Variants in CACNA2D3 observed in about 807,000 individuals in gnomAD.
CACNA2D3 encodes the protein voltage-dependent calcium channel subunit alpha-2/delta-3.
In CACNA2D3, 60 loss-of-function variants were observed where a neutral mutation model predicts 160.6. The observed-to-expected ratio is 0.37, with a 90% CI of 0.30 to 0.46. CACNA2D3 has a LOEUF of 0.46. Ranked by LOEUF, CACNA2D3 falls within the 20% of genes least tolerant of loss-of-function variation. The probability of loss-of-function intolerance (pLI) is 1.00; values close to 1 mark genes in which losing one functional copy is unlikely to be tolerated. For missense variants in CACNA2D3, 1,205 were observed against 1,365.0 expected (o/e 0.88, Z 1.85); for synonymous variants, 558 against 492.9 (o/e 1.13, Z -1.75).
chr3:55,057,107 C>T (rs375561897), intron 35 of CACNA2D3, among the ~76,000 whole-genome samples: 1 of 152,082 alleles, frequency 6.6e-6, no homozygotes, highest in South Asian at 2.1e-4. Context: ...GGGGGTAGGT[C>T]TTTCCTGTGC....
At chr3:54,724,239 C>G (rs1043882262) in intron 11 of CACNA2D3, among the ~76,000 whole-genome samples, 1 of 152,120 alleles carries the variant, frequency 6.6e-6, no homozygotes, top group Non-Finnish European at 1.5e-5. Flanking sequence ...ATATATACAC[C>G]CAATACAGGA....
intron 2 of CACNA2D3, among the ~76,000 whole-genome samples, chr3:54,238,159 T>C (rs1365458095): frequency 6.6e-6 from 1 of 152,258 alleles, no homozygotes; most frequent in East Asian, 1.9e-4. Context: ...TAGCATAATT[T>C]ACATGTTATT....
At chr3:54,476,881 T>C (rs1700840004) in intron 4 of CACNA2D3, among the ~76,000 whole-genome samples, 1 of 152,212 alleles carries the variant, frequency 6.6e-6, no homozygotes, top group African/African-American at 2.4e-5. Flanking sequence ...TTCTAAGACA[T>C]CAATAACTTT....
chr3:54,363,072 G>T lies in CACNA2D3; in HGVS notation c.322-23643G>T, dbSNP rs113988448. Among the ~76,000 whole-genome samples, 409 of 152,174 alleles carry T rather than the reference G, an allele frequency of 2.7e-3. 2 individuals carry two copies. Among genetic ancestry groups the T allele is most frequent in the Admixed American group, 5.0e-3 (77 of 15,278 alleles). On this transcript the variant is annotated intron_variant, in intron 3 of 37. Transcript: ENST00000474759. ...TAGCCAGGTGTGGTGGTGTGCGCCTGTAGTCCCAGCTACTTGGGAGGCTGA... is the reference window on the plus strand; with the variant it reads ...TAGCCAGGTGTGGTGGTGTGCGCCTTTAGTCCCAGCTACTTGGGAGGCTGA...
chr3:54,143,307 T>G (rs1227330985), intron 2 of CACNA2D3, among the ~76,000 whole-genome samples: 1 of 152,334 alleles, frequency 6.6e-6, no homozygotes, highest in Non-Finnish European at 1.5e-5. Flanking sequence ...GACAAGAATT[T>G]CCTTGTGTTC....
chr3:54,879,209 A>G, intron 19 of CACNA2D3, 120 bp downstream of exon 19: 1 of 856,296 alleles, frequency 1.2e-6, no homozygotes, highest in Non-Finnish European at 1.8e-6. Context: ...TCTTGTCTTT[A>G]CTTATCTCAA....
intron 27 of CACNA2D3, among the ~76,000 whole-genome samples, chr3:54,952,138 G>A (rs1283876380): frequency 1.3e-5 from 2 of 152,180 alleles, no homozygotes; most frequent in Admixed American, 6.5e-5. Context: ...TAGCCACTGG[G>A]CCTGGCTGGC....
chr3:54,526,210 G>T (rs956854623), intron 5 of CACNA2D3, among the ~76,000 whole-genome samples: 4 of 152,002 alleles, frequency 2.6e-5, no homozygotes, highest in Non-Finnish European at 5.9e-5. Flanking sequence ...TCTATTTGAT[G>T]TGATGTCGTA....
At chr3:54,946,908 T>C (rs891964336) in intron 27 of CACNA2D3, among the ~76,000 whole-genome samples, 11 of 152,184 alleles carry the variant, frequency 7.2e-5, no homozygotes, top group Non-Finnish European at 1.3e-4. Flanking sequence ...TTATCTGTAA[T>C]TGTAACACTG....
chr3:55,004,567 A>G (rs183299489), intron 31 of CACNA2D3, among the ~76,000 whole-genome samples, 196 bp from the exon 32 acceptor site: 3 of 152,304 alleles, frequency 2.0e-5, no homozygotes, highest in South Asian at 2.1e-4. Flanking sequence ...TTGTCCTTCA[A>G]ATTCCAAGTG....
At chr3:54,207,508 G>T in intron 2 of CACNA2D3, among the ~76,000 whole-genome samples, 1 of 140,406 alleles carries the variant, frequency 7.1e-6, no homozygotes, top group African/African-American at 2.8e-5. Context: ...TTTTCATGTT[G>T]TACCTGAGGC....
At chr3:54,523,087 A>G (rs1322435956) in intron 5 of CACNA2D3, among the ~76,000 whole-genome samples, 1 of 152,056 alleles carries the variant, frequency 6.6e-6, no homozygotes, top group African/African-American at 2.4e-5. Flanking sequence ...TTTCTAGTAA[A>G]AGTGTTAAGA....
chr3:55,005,061 G>A (rs9871268), intron 32 of CACNA2D3, among the ~76,000 whole-genome samples: 1 of 151,612 alleles, frequency 6.6e-6, no homozygotes, highest in Non-Finnish European at 1.5e-5. Flanking sequence ...GGATCACTTG[G>A]GGTCAGGAGT....
chr3:54,682,138 T>C (rs949244141), intron 11 of CACNA2D3, among the ~76,000 whole-genome samples: 8 of 150,220 alleles, frequency 5.3e-5, no homozygotes, highest in African/African-American at 1.7e-4. Flanking sequence ...TCCTTTTGTG[T>C]CTCATTTATG....
At chr3:54,758,884 A>C (rs2107082823) in intron 12 of CACNA2D3, among the ~76,000 whole-genome samples, 1 of 152,280 alleles carries the variant, frequency 6.6e-6, no homozygotes, top group Admixed American at 6.5e-5. Context: ...GGACCTCACT[A>C]TTTGAGGTAG....
chr3:54,759,596 TCTTAC>T (rs1002547164), intron 12 of CACNA2D3, among the ~76,000 whole-genome samples: 3 of 152,230 alleles, frequency 2.0e-5, no homozygotes, highest in Non-Finnish European at 4.4e-5. Flanking sequence ...TTTTATCTTT[TCTTAC>T]CTTTTTATAC....
intron 4 of CACNA2D3, among the ~76,000 whole-genome samples, chr3:54,429,657 G>T (rs1699960133): frequency 6.6e-6 from 1 of 152,124 alleles, no homozygotes; most frequent in African/African-American, 2.4e-5. Context: ...CAACTGGACT[G>T]CGAATAGCAC....
At chr3:54,451,063 C>A (rs1452822773) in intron 4 of CACNA2D3, among the ~76,000 whole-genome samples, 1 of 151,942 alleles carries the variant, frequency 6.6e-6, no homozygotes, top group Non-Finnish European at 1.5e-5. Flanking sequence ...GGCTTTAAGG[C>A]CTGAGAATCA....
intron 17 of CACNA2D3, among the ~76,000 whole-genome samples, chr3:54,860,279 G>T (rs1001657555): frequency 6.6e-6 from 1 of 152,202 alleles, no homozygotes; most frequent in African/African-American, 2.4e-5. Context: ...GTGAAGAGGT[G>T]TAGAGATTTT....
Sources: allele counts gnomAD v4.1 joint callset (sites outside exome capture counted in the v4.1 genomes callset), GRCh38; gene constraint gnomAD v4.1.1; transcripts MANE v1.5; gene names NCBI Gene and HGNC (gene_info 2026-07-23, HGNC 2026-07-21).